PTPRT: variants seen among roughly 807,000 people sequenced by gnomAD.
PTPRT encodes the protein receptor-type tyrosine-protein phosphatase T.
A neutral mutation model predicts 176.8 loss-of-function variants in PTPRT; 56 were observed. The observed-to-expected ratio is 0.32, with a 90% CI of 0.26 to 0.40. The LOEUF (loss-of-function observed/expected upper bound fraction) is 0.40. Ranked by LOEUF, PTPRT falls within the 10% of genes least tolerant of loss-of-function variation. The pLI, the probability that PTPRT is intolerant of heterozygous loss-of-function variation, is 1.00. For missense variants in PTPRT, 1,540 were observed against 1,908.2 expected (o/e 0.81, Z 3.60); for synonymous variants, 783 against 739.0 (o/e 1.06, Z -0.96).
chr20:42,900,516 CT>C (rs1449947964), intron 1 of PTPRT, among the ~76,000 whole-genome samples: 1 of 152,164 alleles, frequency 6.6e-6, no homozygotes, highest in African/African-American at 2.4e-5. Flanking sequence ...TAAAATCTTG[CT>C]TCAGTTCACC....
chr20:42,438,719 T>C (rs1002866358), intron 9 of PTPRT, among the ~76,000 whole-genome samples: 3 of 152,228 alleles, frequency 2.0e-5, no homozygotes, highest in Non-Finnish European at 4.4e-5. Context: ...CTTTATTGTT[T>C]TCCACAGCTG....
At chr20:42,806,178 A>C (rs998459462) in intron 2 of PTPRT, among the ~76,000 whole-genome samples, 11 of 151,952 alleles carry the variant, frequency 7.2e-5, no homozygotes, top group African/African-American at 2.7e-4. Flanking sequence ...CAATCTGTAA[A>C]ATGGAGATAA....
intron 12 of PTPRT, among the ~76,000 whole-genome samples, chr20:42,299,899 A>G (rs113075090): frequency 0.083 from 12,529 of 151,452 alleles, 563 homozygotes; most frequent in Middle Eastern, 0.11. Context: ...CATTTGCCTC[A>G]GTCTCCCAAA....
intron 23 of PTPRT, among the ~76,000 whole-genome samples, chr20:42,107,792 C>CAAAG (rs1194064382): frequency 1.3e-5 from 2 of 152,102 alleles, no homozygotes; most frequent in African/African-American, 2.4e-5. Flanking sequence ...AAAAGACACA[C>CAAAG]AAAGAGGAAG....
intron 7 of PTPRT, among the ~76,000 whole-genome samples, chr20:42,631,722 ACTC>A (rs1569035123): frequency 1.3e-5 from 2 of 152,096 alleles, no homozygotes; most frequent in Non-Finnish European, 2.9e-5. Flanking sequence ...GGGCAAGGCA[ACTC>A]TCTAAAGCTG....
At chr20:42,171,154 A>G (rs1281076781) in intron 16 of PTPRT, among the ~76,000 whole-genome samples, 2 of 152,216 alleles carry the variant, frequency 1.3e-5, no homozygotes. Context: ...CATAAAGAAT[A>G]AGAAGTTATG....
At chr20:42,414,564 C>T (rs539303048) in intron 9 of PTPRT, among the ~76,000 whole-genome samples, 1 of 152,220 alleles carries the variant, frequency 6.6e-6, no homozygotes, top group South Asian at 2.1e-4. Flanking sequence ...ATAAAATTAA[C>T]ATGAAAAGCC....
intron 13 of PTPRT, among the ~76,000 whole-genome samples, chr20:42,273,175 C>T (rs2056968673): frequency 6.6e-6 from 1 of 152,172 alleles, no homozygotes; most frequent in Admixed American, 6.5e-5. Context: ...TACATTTTCT[C>T]ATGAAATTCT....
intron 7 of PTPRT, among the ~76,000 whole-genome samples, chr20:42,663,276 C>T (rs2075257603): frequency 6.6e-6 from 1 of 151,986 alleles, no homozygotes. Flanking sequence ...CTTTGCTGCA[C>T]CTGTGGGCAA....
At chr20:42,298,694 G>A (rs543038447) in intron 12 of PTPRT, among the ~76,000 whole-genome samples, 3 of 152,194 alleles carry the variant, frequency 2.0e-5, no homozygotes, top group African/African-American at 4.8e-5. Flanking sequence ...AGGCTGAGGC[G>A]GGCTGATCAT....
chr20:42,896,887 C>T (rs115372705), intron 1 of PTPRT, among the ~76,000 whole-genome samples: 173 of 152,274 alleles, frequency 1.1e-3, no homozygotes, highest in African/African-American at 3.8e-3. Flanking sequence ...AACACCCTAT[C>T]GTGGGTAGCT....
intron 6 of PTPRT, among the ~76,000 whole-genome samples, chr20:42,725,755 G>A (rs1410676110): frequency 6.6e-6 from 1 of 152,022 alleles, no homozygotes; most frequent in Non-Finnish European, 1.5e-5. Flanking sequence ...GGGAGACAGT[G>A]TTGCAATTCC....
chr20:42,219,375 A>G (rs1306695689), intron 15 of PTPRT, among the ~76,000 whole-genome samples: 1 of 152,174 alleles, frequency 6.6e-6, no homozygotes, highest in Non-Finnish European at 1.5e-5. Context: ...CATGTGGGCT[A>G]TGAAGGGTGT....
At chr20:43,042,946 G>A (rs1225197208) in intron 1 of PTPRT, among the ~76,000 whole-genome samples, 2 of 151,986 alleles carry the variant, frequency 1.3e-5, no homozygotes, top group Non-Finnish European at 2.9e-5. Context: ...TCCATATGTA[G>A]AATCATCAAT....
At chr20:42,763,702 T>C (rs186270012) in intron 5 of PTPRT, among the ~76,000 whole-genome samples, 15 of 152,358 alleles carry the variant, frequency 9.8e-5, no homozygotes, top group Admixed American at 9.1e-4. Context: ...AGATCACATT[T>C]GTACCTTTTT....
chr20:43,134,086 T>A (rs575893013), intron 1 of PTPRT, among the ~76,000 whole-genome samples: 3 of 152,222 alleles, frequency 2.0e-5, no homozygotes, highest in Admixed American at 2.0e-4. Flanking sequence ...AGGGACATGA[T>A]AAACACCACC....
At chr20:42,202,396 T>C (rs545501905) in intron 15 of PTPRT, among the ~76,000 whole-genome samples, 4 of 152,344 alleles carry the variant, frequency 2.6e-5, no homozygotes, top group South Asian at 2.1e-4. Flanking sequence ...GGAAGAGGAA[T>C]GCATCTTTTC....
chr20:42,209,633 T>G (rs1157407923), intron 15 of PTPRT, among the ~76,000 whole-genome samples: 4 of 151,812 alleles, frequency 2.6e-5, no homozygotes, highest in East Asian at 1.9e-4. Flanking sequence ...AATAACAGGA[T>G]CTGAAATTGT....
intron 7 of PTPRT, among the ~76,000 whole-genome samples, chr20:42,618,648 GGATA>G (rs1194756499): frequency 1.6e-5 from 2 of 128,750 alleles, no homozygotes; most frequent in Non-Finnish European, 3.2e-5. Flanking sequence ...TATATATTTA[GGATA>G]GTTAGCTCTT....
Sources: allele counts gnomAD v4.1 joint callset (sites outside exome capture counted in the v4.1 genomes callset), GRCh38; gene constraint gnomAD v4.1.1; transcripts MANE v1.5; gene names NCBI Gene and HGNC (gene_info 2026-07-23, HGNC 2026-07-21).